EPHB1: variants seen among roughly 807,000 people sequenced by gnomAD.
EPHB1 encodes ephrin type-B receptor 1.
Under a neutral mutation model 94.4 loss-of-function variants are expected in EPHB1, and 30 were observed. The observed-to-expected ratio is 0.32, with a 90% confidence interval of 0.24 to 0.43. The LOEUF (loss-of-function observed/expected upper bound fraction) is 0.43, where lower values mean the gene tolerates loss of function less well. Ranked by LOEUF, EPHB1 falls within the 20% of genes least tolerant of loss-of-function variation. The pLI is 1.00. For synonymous variants in EPHB1, 522 were observed against 489.1 expected (o/e 1.07, Z -0.89); for missense variants, 1,055 against 1,308.3 (o/e 0.81, Z 2.99).
chr3:135,064,848 G>A (rs1937560820), intron 3 of EPHB1, among the ~76,000 whole-genome samples: 1 of 152,080 alleles, frequency 6.6e-6, no homozygotes, highest in South Asian at 2.1e-4. Context: ...TTAGGGCTAT[G>A]AACTTTCCTC....
rs377090165 is a variant in EPHB1 at position 134,948,519 on chromosome 3, AAC to A, written c.124-2848_124-2847del. 2.8e-3 allele frequency among the ~76,000 whole-genome samples: 428 copies of A among 152,292 alleles called. 2 individuals carry two copies. The highest frequency in any genetic ancestry group is 9.9e-3 in the African/African-American group (410 of 41,578). ...TTAATAAACACATTTGATAGAACAA[AAC>A]ACAGTGTTCAAGAAGGCAGAAAAAG... is the stretch of plus-strand genomic sequence containing the variant. On this transcript the variant is annotated intron_variant, in intron 2 of 15. Coordinates refer to ENST00000398015, the MANE Select transcript of EPHB1 (RefSeq NM_004441.5).
chr3:135,226,193 C>G (rs1943394859), intron 12 of EPHB1, among the ~76,000 whole-genome samples: 2 of 152,200 alleles, frequency 1.3e-5, no homozygotes, highest in African/African-American at 4.8e-5. Flanking sequence ...CTACGGCTTG[C>G]ATGCTGCTCT....
chr3:134,906,828 G>T (rs1317730693), intron 1 of EPHB1, among the ~76,000 whole-genome samples: 3 of 152,218 alleles, frequency 2.0e-5, no homozygotes, highest in Admixed American at 2.0e-4. Context: ...CTGCTTTGCA[G>T]CCCAGAGGCT....
At chr3:135,092,946 A>G (rs1009885761) in intron 3 of EPHB1, among the ~76,000 whole-genome samples, 2 of 152,118 alleles carry the variant, frequency 1.3e-5, no homozygotes, top group Admixed American at 1.3e-4. Flanking sequence ...ACATCTTAAG[A>G]ATTCCACCCC....
intron 3 of EPHB1, among the ~76,000 whole-genome samples, chr3:135,087,564 T>A (rs1265968883): frequency 6.6e-6 from 1 of 152,218 alleles, no homozygotes; most frequent in Non-Finnish European, 1.5e-5. Flanking sequence ...CCTGGCTGCA[T>A]CTGTCCCTAA....
Position 135,132,803 on chromosome 3 carries a change from C to G in EPHB1, c.1051C>G (p.Arg351Gly), listed in dbSNP as rs1395878132. The change falls in exon 5 of 16, where the codon CGG becomes GGG. Residue 351 changes from arginine to glycine, a missense_variant. Arg to Gly is a moderately radical substitution (Grantham distance 125, BLOSUM62 -2). Transcript: ENST00000398015. The part of the protein sequence containing the change: ...EWHPPRETGG[R>G]DDVTYNIICK... Reference sequence around the variant, plus strand: ...GCACCCTCCAAGGGAGACAGGTGGGCGGGATGATGTGACCTACAACATCAT... The same window carrying G: ...GCACCCTCCAAGGGAGACAGGTGGGGGGGATGATGTGACCTACAACATCAT... 6.2e-7 allele frequency: 1 copy of G among 1,613,812 alleles called. No homozygotes were observed. The highest frequency in any genetic ancestry group is 1.3e-5 in the African/African-American group (1 of 74,924).
rs372462318 is a variant in EPHB1 at position 135,060,660 on chromosome 3, G to A, written c.806-45788G>A. On this transcript the variant is annotated intron_variant, in intron 3 of 15. Transcript: ENST00000398015. ...ACTTTTTTATTTTTAATTTTTGTGG[G>A]TACATAGTAGGTGTATTATTTATGG... is the stretch of plus-strand genomic sequence containing the variant. Among the ~76,000 whole-genome samples the A allele has an allele frequency of 2.8e-4, 43 of 151,954 alleles. 1 individual carries two copies. The South Asian group carries it at 8.8e-3, about 31-fold the overall frequency.
intron 1 of EPHB1, among the ~76,000 whole-genome samples, chr3:134,877,865 A>T (rs1045939200): frequency 2.6e-5 from 4 of 152,198 alleles, no homozygotes; most frequent in African/African-American, 7.2e-5. Context: ...GTCAGGCCAG[A>T]TCCACTCTCT....
At chr3:134,985,261 C>T (rs1934557085) in intron 3 of EPHB1, among the ~76,000 whole-genome samples, 1 of 152,152 alleles carries the variant, frequency 6.6e-6, no homozygotes, top group African/African-American at 2.4e-5. Context: ...TCAAGCAATT[C>T]TCCTGCCTCA....
intron 3 of EPHB1, among the ~76,000 whole-genome samples, chr3:135,040,238 T>G (rs1260544423): frequency 6.6e-6 from 1 of 152,238 alleles, no homozygotes; most frequent in Non-Finnish European, 1.5e-5. Flanking sequence ...TAATAATACT[T>G]TCCTTTCAGG....
At position 135,020,702 on chromosome 3, in the gene EPHB1, C is replaced by T. The variant is rs376900029; in HGVS notation, c.805+68650C>T. 3.0e-4 allele frequency among the ~76,000 whole-genome samples: 45 copies of T among 152,232 alleles called. No homozygotes were observed. In the South Asian group the frequency reaches 7.9e-3, roughly 27 times the overall value. On this transcript the variant is annotated intron_variant, in intron 3 of 15. Transcript: ENST00000398015. ...TTTGTGATCTACCCCTCCTATTCTCCGAGGTTAGGTGTCCTCTAGTTAAAT... is the reference window on the plus strand; with the variant it reads ...TTTGTGATCTACCCCTCCTATTCTCTGAGGTTAGGTGTCCTCTAGTTAAAT...
chr3:135,063,416 A>G (rs1278499919), intron 3 of EPHB1, among the ~76,000 whole-genome samples: 2 of 151,910 alleles, frequency 1.3e-5, no homozygotes, highest in South Asian at 2.1e-4. Flanking sequence ...TTGGTTATGT[A>G]TACTCCTAAG....
At chr3:135,214,653 T>C (rs1943103675) in intron 12 of EPHB1, among the ~76,000 whole-genome samples, 1 of 152,136 alleles carries the variant, frequency 6.6e-6, no homozygotes, top group Admixed American at 6.5e-5. Flanking sequence ...TATCCATTAT[T>C]CCCATGAATT....
At chr3:135,086,267 G>A (rs1016548412) in intron 3 of EPHB1, among the ~76,000 whole-genome samples, 1 of 151,670 alleles carries the variant, frequency 6.6e-6, no homozygotes, top group African/African-American at 2.4e-5. Flanking sequence ...GACCTCTGAC[G>A]GTGGGATGGA....
At chr3:135,115,412 G>T (rs1179056691) in intron 4 of EPHB1, among the ~76,000 whole-genome samples, 2 of 152,144 alleles carry the variant, frequency 1.3e-5, no homozygotes. Context: ...GGAGTGAGTG[G>T]CTGTGCGTCC....
intron 3 of EPHB1, among the ~76,000 whole-genome samples, chr3:135,072,019 G>A (rs781178715): frequency 6.6e-6 from 1 of 152,098 alleles, no homozygotes; most frequent in Non-Finnish European, 1.5e-5. Context: ...AGTTCCAGCT[G>A]CCATGTCTGT....
At chr3:135,076,249 AT>A (rs1411679485) in intron 3 of EPHB1, among the ~76,000 whole-genome samples, 3 of 145,224 alleles carry the variant, frequency 2.1e-5, no homozygotes, top group African/African-American at 8.3e-5. Flanking sequence ...ATATATATAT[AT>A]ATATATATAT....
intron 1 of EPHB1, among the ~76,000 whole-genome samples, chr3:134,903,640 T>A (rs1352324647): frequency 6.6e-6 from 1 of 152,166 alleles, no homozygotes; most frequent in African/African-American, 2.4e-5. Flanking sequence ...CAGCCTGGAC[T>A]GTGTACGCCT....
chr3:134,885,287 TAATG>T (rs1190221968), intron 1 of EPHB1, among the ~76,000 whole-genome samples: 3 of 152,294 alleles, frequency 2.0e-5, no homozygotes, highest in African/African-American at 7.2e-5. Context: ...GGTTGAAGAA[TAATG>T]AACAGAGCAT....
Sources: gnomAD v4.1 joint callset for allele counts (sites outside exome capture counted in the v4.1 genomes callset) on GRCh38, gnomAD v4.1.1 for gene constraint, MANE v1.5 for transcripts, NCBI Gene and HGNC (gene_info 2026-07-23, HGNC 2026-07-21) for gene names.